AKNA: variants seen among roughly 807,000 people sequenced by gnomAD.
AKNA encodes the protein microtubule organization protein AKNA.
In AKNA, 67 loss-of-function variants were observed where a neutral mutation model predicts 138.8. The ratio of observed to expected loss-of-function variants is 0.48; its 90% CI spans 0.40 to 0.59. AKNA has a LOEUF of 0.59. Ranked by LOEUF, AKNA falls within the 20% of genes least tolerant of loss-of-function variation. The probability of loss-of-function intolerance (pLI) is 0.00; values close to 1 mark genes in which losing one functional copy is unlikely to be tolerated. For missense variants in AKNA, 1,813 were observed against 1,880.4 expected, an observed-to-expected ratio of 0.96 and a Z score of 0.66; for synonymous variants, 737 against 754.4, an observed-to-expected ratio of 0.98 and a Z score of 0.38.
chr9:114,395,295 G>C (rs571185604), upstream of AKNA, among the ~76,000 whole-genome samples: 2 of 152,154 alleles, frequency 1.3e-5, no homozygotes, highest in South Asian at 4.2e-4. Context: ...CAGAAAATGA[G>C]GAGCTTCTGT....
chr9:114,359,948 G>C lies in AKNA; in HGVS notation c.2239C>G (p.Leu747Val). 3 of 1,614,204 alleles carry C rather than the reference G, an allele frequency of 1.9e-6. No homozygotes were observed. The highest frequency in any genetic ancestry group is 2.5e-6 in the Non-Finnish European group (3 of 1,180,034). ...EDRPQDPLAR[L>V]RHKELQMEQV... ...TCCATCTGCAGCTCCTTGTGCCTGA[G>C]TCGGGCCAGGGGGTCCTGTGGCCTG... The change falls in exon 10 of 22, where the codon CTC (leucine) becomes GTC (valine). Residue 747 changes from leucine to valine, a missense_variant. Leu to Val is a conservative substitution (Grantham distance 32, BLOSUM62 1). Transcript: ENST00000374088.
At chr9:114,330,735 T>G, downstream of AKNA, 2 of 1,600,408 alleles carry the variant, frequency 1.2e-6, no homozygotes, top group Non-Finnish European at 1.7e-6. Context: ...GATGGGCGAT[T>G]GGCCACTTCT....
Position 114,377,227 on chromosome 9 carries a change from C to T in AKNA, c.580G>A (p.Glu194Lys). 1 of 1,614,194 alleles carries T rather than the reference C, an allele frequency of 6.2e-7. No homozygotes were observed. The highest frequency in any genetic ancestry group is 1.3e-5 in the African/African-American group (1 of 75,056). The change falls in exon 3 of 22, where the codon GAA becomes AAA. Residue 194 changes from glutamate to lysine, a missense_variant. Physicochemically the swap from Glu to Lys is moderately conservative, Grantham distance 56. Coordinates refer to ENST00000374088, the MANE Select transcript of AKNA (RefSeq NM_001317950.2). ...SEHSEVNPSV[E>K]LSPARSWSSG... is the part of the protein sequence containing the mutation. Reference sequence around the variant, plus strand: ...CTCCAGGACCTTGCCGGGCTGAGTTCAACGGATGGGTTGACCTCGGAATGT... The same window carrying T: ...CTCCAGGACCTTGCCGGGCTGAGTTTAACGGATGGGTTGACCTCGGAATGT...
At position 114,359,727 on chromosome 9, in the gene AKNA, C is replaced by T. The variant is rs771231837; in HGVS notation, c.2359G>A (p.Glu787Lys). The T allele has an allele frequency of 6.2e-7, 1 of 1,607,984 alleles. No individual in the cohort carries two copies. Among genetic ancestry groups the T allele is most frequent in the Middle Eastern group, 1.7e-4 (1 of 6,026 alleles). The change falls in exon 11 of 22, where the codon GAG becomes AAG. Residue 787 changes from glutamate (E) to lysine (K), a missense_variant. Coordinates refer to ENST00000374088, the MANE Select transcript of AKNA (RefSeq NM_001317950.2). Reference protein sequence around the residue: ...MEEEEEGEEEEEEEGGGDSLE... With the variant: ...MEEEEEGEEEKEEEGGGDSLE... ...GAGTCACCTCCCCCCTCTTCCTCCTCCTCCTCCTCTCCTTCTTCCTCCTCC... is the reference window on the plus strand; with the variant it reads ...GAGTCACCTCCCCCCTCTTCCTCCTTCTCCTCCTCTCCTTCTTCCTCCTCC...
At position 114,368,652 on chromosome 9, in the gene AKNA, A is replaced by G; in HGVS notation, c.1417-57T>C. ...GTCAGGGTAGGGGCAAACCCACCTG[A>G]AACGCCTCATCTTCATTCAGGAGCT... On this transcript the variant is annotated intron_variant, in intron 4 of 21. Transcript: ENST00000374088. 4 of 1,291,400 alleles carry G rather than the reference A, an allele frequency of 3.1e-6. 1 individual carries two copies. In the South Asian group the frequency reaches 1.2e-4, roughly 39 times the overall value. 80.0% of individuals were successfully genotyped at this position (1,291,400 alleles called of 1,614,324 possible). A position where few individuals can be genotyped will look rare whatever the true frequency, so the allele number is the denominator to read the frequency against.
In AKNA at chr9:114,347,784, G is replaced by C; in HGVS notation, c.3338C>G (p.Pro1113Arg). 1.9e-6 allele frequency: 3 copies of C among 1,548,614 alleles called. No homozygotes were observed. In the South Asian group the frequency reaches 3.6e-5, roughly 19 times the overall value. Reference sequence around the variant, plus strand: ...TGCTGGCCGGCCGCGGGTCCGGGCGGGGCGGTCAAAGGCAGATGCTGGGCG... The same window carrying C: ...TGCTGGCCGGCCGCGGGTCCGGGCGCGGCGGTCAAAGGCAGATGCTGGGCG... Reference protein sequence around the residue: ...PTRPASAFDRPARTRGRPADS... With the variant: ...PTRPASAFDRRARTRGRPADS... Residue 1113 changes from proline to arginine, a missense_variant, in exon 16 of 22, where the codon CCC becomes CGC. Coordinates refer to ENST00000374088, the MANE Select transcript of AKNA (RefSeq NM_001317950.2).
chr9:114,331,522 T>A (rs748432140), downstream of AKNA: 2 of 1,484,070 alleles, frequency 1.3e-6, no homozygotes, highest in Non-Finnish European at 9.4e-7. Flanking sequence ...CAGGCACCAT[T>A]GTGCCATCCC....
chr9:114,376,472 C>T lies in AKNA; in HGVS notation c.1335G>A (p.Gln445=), dbSNP rs1833211815. The T allele has an allele frequency of 1.2e-6, 2 of 1,613,876 alleles. No homozygotes were observed. Among genetic ancestry groups the T allele is most frequent in the East Asian group, 4.5e-5 (2 of 44,860 alleles). ...TPEQATELVH[Q]LQEDYHRLLT... Reference sequence around the variant, plus strand: ...AGCCATGAGTCCCACTAACCTGGAGCTGATGGACCAGCTCAGTGGCTTGCT... The same window carrying T: ...AGCCATGAGTCCCACTAACCTGGAGTTGATGGACCAGCTCAGTGGCTTGCT... Residue 445 remains glutamine, a synonymous_variant, in exon 3 of 22, where the codon CAG becomes CAA. Coordinates refer to ENST00000374088, the MANE Select transcript of AKNA (RefSeq NM_001317950.2).
chr9:114,393,145 A>C (rs1263337342), intron 1 of AKNA, among the ~76,000 whole-genome samples: 7 of 151,508 alleles, frequency 4.6e-5, no homozygotes, highest in African/African-American at 1.2e-4. Flanking sequence ...AAAAATTATG[A>C]TGCCCATTTT....
chr9:114,387,634 G>A (rs1834133192), intron 1 of AKNA, among the ~76,000 whole-genome samples: 1 of 152,190 alleles, frequency 6.6e-6, no homozygotes, highest in East Asian at 1.9e-4. Flanking sequence ...CAGAATCAGA[G>A]CTAGGACTGG....
chr9:114,341,823 G>C, intron 20 of AKNA, 98 bp from the exon 21 acceptor site: 1 of 1,392,432 alleles, frequency 7.2e-7, no homozygotes, highest in Non-Finnish European at 9.8e-7. Flanking sequence ...TATGAGAGCT[G>C]GACAGGCCCT....
In AKNA at chr9:114,341,670, C is replaced by T; in HGVS notation, c.3930G>A (p.Gln1310=). ...GCGACGACCCCGCCTGCTTGCTCCT[C>T]TGCTTGGGGCTGGGAGTTGAAGATG... ...RKASSTPSPK[Q]RSKQAGSSPR... The change falls in exon 21 of 22, where the codon CAG becomes CAA. Residue 1310 remains glutamine (Q), a synonymous_variant. Coordinates refer to ENST00000374088, the MANE Select transcript of AKNA (RefSeq NM_001317950.2). The T allele has an allele frequency of 1.9e-6, 3 of 1,604,522 alleles. No homozygotes were observed. The highest frequency in any genetic ancestry group is 2.5e-6 in the Non-Finnish European group (3 of 1,176,546).
chr9:114,374,495 G>GC lies in AKNA; in HGVS notation c.1342-329dup, dbSNP rs201583672. On this transcript the variant is annotated intron_variant, in intron 3 of 21. Coordinates refer to ENST00000374088, the MANE Select transcript of AKNA (RefSeq NM_001317950.2). ...ACTGTTTTATTTCTCCAAATGCCCTGCCCACCGGTTGGCTCTGTGGGGTGA... is the reference window on the plus strand; with the variant it reads ...ACTGTTTTATTTCTCCAAATGCCCTGCCCCACCGGTTGGCTCTGTGGGGTGA... Among the ~76,000 whole-genome samples the GC allele has an allele frequency of 1.0e-3, 158 of 152,290 alleles. 2 individuals carry two copies. The East Asian group carries it at 0.029, about 28-fold the overall frequency.
At position 114,373,628 on chromosome 9, in the gene AKNA, C is replaced by T. The variant is rs1832954990; in HGVS notation, c.1416+465G>A. Among the ~76,000 whole-genome samples the T allele has an allele frequency of 2.6e-5, 4 of 151,764 alleles. No individual in the cohort carries two copies. In the South Asian group the frequency reaches 8.3e-4, roughly 32 times the overall value. ...TGGTAGCTCAGGCCTGTAATCCCAGCAGCACTTTGGGAGGCTGAGGCAGGA... is the reference window on the plus strand; with the variant it reads ...TGGTAGCTCAGGCCTGTAATCCCAGTAGCACTTTGGGAGGCTGAGGCAGGA... On this transcript the variant is annotated intron_variant, in intron 4 of 21. Transcript: ENST00000374088.
intron 6 of AKNA, among the ~76,000 whole-genome samples, chr9:114,364,952 T>G (rs1832236812): frequency 6.6e-6 from 1 of 152,148 alleles, no homozygotes; most frequent in Non-Finnish European, 1.5e-5. Context: ...GGTGGAATAG[T>G]ATTCAGCCAT....
chr9:114,368,030 C>T (rs182930819), intron 5 of AKNA, among the ~76,000 whole-genome samples: 1 of 152,370 alleles, frequency 6.6e-6, no homozygotes, highest in East Asian at 1.9e-4. Context: ...TGAACTTCAG[C>T]GTGTCCTCAC....
At chr9:114,332,697 A>G (rs1283820708), downstream of AKNA, among the ~76,000 whole-genome samples, 6 of 151,988 alleles carry the variant, frequency 3.9e-5, no homozygotes, top group Non-Finnish European at 7.4e-5. Flanking sequence ...TGGCACCTCC[A>G]CTGTCTGGCT....
chr9:114,344,013 C>T, intron 18 of AKNA: 1 of 505,058 alleles, frequency 2.0e-6, no homozygotes, highest in East Asian at 3.6e-5. Context: ...ATATACGTCA[C>T]CGAACATCTT....
At chr9:114,353,466 G>A (rs948941045) in intron 14 of AKNA, among the ~76,000 whole-genome samples, 1 of 152,156 alleles carries the variant, frequency 6.6e-6, no homozygotes, top group Admixed American at 6.5e-5. Flanking sequence ...GTTTTGCCAT[G>A]TTGGCCAGGC....
Sources: allele counts gnomAD v4.1 joint callset (sites outside exome capture counted in the v4.1 genomes callset), GRCh38; gene constraint gnomAD v4.1.1; transcripts MANE v1.5; gene names NCBI Gene and HGNC (gene_info 2026-07-23, HGNC 2026-07-21).